SMYD3: variants seen among roughly 807,000 people sequenced by gnomAD.
SMYD3 encodes the protein histone-lysine N-methyltransferase SMYD3.
In SMYD3, 36 loss-of-function variants were observed where a neutral mutation model predicts 57.7. The observed-to-expected ratio is 0.62, with a 90% CI of 0.48 to 0.82. The LOEUF (loss-of-function observed/expected upper bound fraction) is 0.82. SMYD3 is among the 40% of genes least tolerant of loss of function. The pLI, the probability that SMYD3 is intolerant of heterozygous loss-of-function variation, is 0.00. For synonymous variants in SMYD3, 211 were observed against 195.0 expected (o/e 1.08, Z -0.68); for missense variants, 515 against 538.8 (o/e 0.96, Z 0.44).
chr1:246,495,262 T>C (rs1464687437), intron 1 of SMYD3, among the ~76,000 whole-genome samples: 1 of 140,404 alleles, frequency 7.1e-6, no homozygotes, highest in Non-Finnish European at 1.5e-5. Flanking sequence ...GGCAGGAGAA[T>C]GGCATGAACC....
At chr1:246,498,823 A>C (rs2068411306) in intron 1 of SMYD3, among the ~76,000 whole-genome samples, 1 of 151,432 alleles carries the variant, frequency 6.6e-6, no homozygotes. Flanking sequence ...CTGAATGCTT[A>C]TACCCCCCAG....
intron 7 of SMYD3, among the ~76,000 whole-genome samples, chr1:245,920,401 GTT>G (rs932285856): frequency 1.2e-4 from 18 of 150,976 alleles, no homozygotes; most frequent in African/African-American, 4.4e-4. Flanking sequence ...AGTTATGAAT[GTT>G]TCTGTTAATA....
At chr1:246,055,833 G>A (rs1302307905) in intron 5 of SMYD3, among the ~76,000 whole-genome samples, 1 of 152,202 alleles carries the variant, frequency 6.6e-6, no homozygotes, top group Admixed American at 6.5e-5. Flanking sequence ...GTAGAATGGT[G>A]GTTGCCAGAG....
chr1:246,189,005 G>A (rs7533295), intron 5 of SMYD3: 63,462 of 151,118 alleles, frequency 0.42, 15,650 homozygotes, highest in African/African-American at 0.69. Flanking sequence ...CATTGTGTGT[G>A]TTTATGTTAA....
intron 1 of SMYD3, among the ~76,000 whole-genome samples, chr1:246,464,641 TA>T (rs1299359498): frequency 6.6e-6 from 1 of 152,210 alleles, no homozygotes; most frequent in Non-Finnish European, 1.5e-5. Flanking sequence ...GGTGTCTAGG[TA>T]AACTGTTTGT....
chr1:246,440,881 T>A (rs1018893552), intron 1 of SMYD3, among the ~76,000 whole-genome samples: 9 of 152,156 alleles, frequency 5.9e-5, no homozygotes, highest in African/African-American at 1.9e-4. Context: ...TTTTGTATTT[T>A]CCTAAGAGGA....
At chr1:246,147,006 C>T (rs1056568337) in intron 5 of SMYD3, among the ~76,000 whole-genome samples, 1 of 152,080 alleles carries the variant, frequency 6.6e-6, no homozygotes, top group Non-Finnish European at 1.5e-5. Flanking sequence ...TGACAGTGTT[C>T]GGCAGAGGAC....
chr1:246,056,725 G>C lies in SMYD3; in HGVS notation c.532-126788C>G, dbSNP rs755890158. ...TTTGATCATTATGCATTATATACATGTATCGAAATATCACTCTGTAGCCCA... is the reference window on the plus strand; with the variant it reads ...TTTGATCATTATGCATTATATACATCTATCGAAATATCACTCTGTAGCCCA... On this transcript the variant is annotated intron_variant, in intron 5 of 11. Transcript: ENST00000490107. 3.4e-5 allele frequency among the ~76,000 whole-genome samples: 5 copies of C among 148,398 alleles called. 1 individual carries two copies. The highest frequency in any genetic ancestry group is 6.0e-5 in the Non-Finnish European group (4 of 67,190).
At chr1:246,042,938 ATAAATACG>A (rs2148299232) in intron 5 of SMYD3, among the ~76,000 whole-genome samples, 1 of 152,320 alleles carries the variant, frequency 6.6e-6, no homozygotes, top group East Asian at 1.9e-4. Context: ...GCTACTCTTA[ATAAATACG>A]TAAATATACT....
At chr1:245,944,436 G>A (rs182579072) in intron 5 of SMYD3, among the ~76,000 whole-genome samples, 12 of 152,194 alleles carry the variant, frequency 7.9e-5, no homozygotes, top group Middle Eastern at 6.8e-3. Context: ...AGCTAACAAG[G>A]AAAATAAAGA....
In SMYD3 at chr1:245,968,252, C is replaced by T. The variant is rs891490630; in HGVS notation, c.532-38315G>A. On this transcript the variant is annotated intron_variant, in intron 5 of 11. Transcript: ENST00000490107. ...TGCTCACCAGCTCCATGCTGAGGCTCTCACGTCCTTCTCATGATATAACCC... is the reference window on the plus strand; with the variant it reads ...TGCTCACCAGCTCCATGCTGAGGCTTTCACGTCCTTCTCATGATATAACCC... Among the ~76,000 whole-genome samples, 3 of 139,170 alleles carry T rather than the reference C, an allele frequency of 2.2e-5. No individual in the cohort carries two copies. The Admixed American group carries it at 2.2e-4, about 10-fold the overall frequency. 91.3% of individuals were successfully genotyped at this position (139,170 alleles called of 152,430 possible).
At chr1:245,791,107 A>G (rs2047249412) in intron 10 of SMYD3, among the ~76,000 whole-genome samples, 1 of 152,182 alleles carries the variant, frequency 6.6e-6, no homozygotes, top group Non-Finnish European at 1.5e-5. Context: ...CTACACCATG[A>G]AAAAGCTACA....
At chr1:246,357,347 T>TA (rs2065923634) in intron 1 of SMYD3, among the ~76,000 whole-genome samples, 1 of 152,162 alleles carries the variant, frequency 6.6e-6, no homozygotes, top group South Asian at 2.1e-4. Context: ...TCCTCACTGT[T>TA]ACACTCCCAT....
At chr1:246,230,658 T>G (rs1290352497) in intron 5 of SMYD3, among the ~76,000 whole-genome samples, 1 of 152,194 alleles carries the variant, frequency 6.6e-6, no homozygotes, top group Non-Finnish European at 1.5e-5. Flanking sequence ...AATAGTATCA[T>G]AATCTTTGTG....
At chr1:245,822,083 A>C (rs2049191887) in intron 10 of SMYD3, among the ~76,000 whole-genome samples, 1 of 152,176 alleles carries the variant, frequency 6.6e-6, no homozygotes, top group Non-Finnish European at 1.5e-5. Flanking sequence ...TGCTGCTATA[A>C]AGACACATGC....
intron 9 of SMYD3, among the ~76,000 whole-genome samples, chr1:245,859,458 T>C (rs146634292): frequency 2.8e-4 from 42 of 152,352 alleles, no homozygotes; most frequent in East Asian, 3.9e-4. Context: ...CTTCATCTCA[T>C]GTAGCCTTGG....
At chr1:245,890,101 A>G (rs919087390) in intron 8 of SMYD3, among the ~76,000 whole-genome samples, 1 of 152,092 alleles carries the variant, frequency 6.6e-6, no homozygotes, top group African/African-American at 2.4e-5. Context: ...AACGACTTAA[A>G]TTTAAGACCC....
intron 5 of SMYD3, among the ~76,000 whole-genome samples, chr1:246,076,099 T>G (rs1480440767): frequency 6.6e-6 from 1 of 152,144 alleles, no homozygotes; most frequent in African/African-American, 2.4e-5. Context: ...GCATAAGAAA[T>G]GGTAAGGGAT....
chr1:246,435,712 AAGG>A (rs963946662), intron 1 of SMYD3, among the ~76,000 whole-genome samples: 9 of 152,096 alleles, frequency 5.9e-5, no homozygotes, highest in African/African-American at 2.2e-4. Flanking sequence ...GAAGAATTCC[AAGG>A]AGAAGATACA....
Sources: allele counts gnomAD v4.1 joint callset (sites outside exome capture counted in the v4.1 genomes callset), GRCh38; gene constraint gnomAD v4.1.1; transcripts MANE v1.5; gene names NCBI Gene and HGNC (gene_info 2026-07-23, HGNC 2026-07-21).